The following WWOX variants were observed in gnomAD, a reference collection of about 807,000 sequenced individuals.
The protein encoded by WWOX is WW domain-containing oxidoreductase.
In WWOX, 69 loss-of-function variants were observed where a neutral mutation model predicts 46.2. That is an observed-to-expected ratio of 1.49 (90% CI 1.23 to 1.82). WWOX has a LOEUF of 1.82. Among genes scored for constraint, WWOX ranks in the 40% most tolerant of loss-of-function variants. The pLI, the probability that WWOX is intolerant of heterozygous loss-of-function variation, is 0.00. For missense variants in WWOX, 919 were observed against 542.6 expected (o/e 1.69, Z -6.89); for synonymous variants, 359 against 202.6 (o/e 1.77, Z -6.56).
chr16:78,761,038 C>A (rs186189326), intron 8 of WWOX, among the ~76,000 whole-genome samples: 1 of 152,160 alleles, frequency 6.6e-6, no homozygotes, highest in Non-Finnish European at 1.5e-5. Flanking sequence ...TCAGTTATCT[C>A]CTACCAGGCC....
At chr16:78,277,013 CT>C (rs1189048833) in intron 5 of WWOX, among the ~76,000 whole-genome samples, 1 of 152,130 alleles carries the variant, frequency 6.6e-6, no homozygotes, top group Non-Finnish European at 1.5e-5. Context: ...TAATGTGTCA[CT>C]GTGGGAAACT....
intron 8 of WWOX, among the ~76,000 whole-genome samples, chr16:78,570,085 A>G (rs1053551406): frequency 3.3e-5 from 5 of 152,252 alleles, no homozygotes; most frequent in African/African-American, 7.2e-5. Context: ...TTATGTTCAT[A>G]TAACTTCTTT....
At chr16:79,168,025 C>T (rs1382861346) in intron 8 of WWOX, among the ~76,000 whole-genome samples, 1 of 152,170 alleles carries the variant, frequency 6.6e-6, no homozygotes, top group African/African-American at 2.4e-5. Context: ...CATGCTGTTT[C>T]CAAGGCTTGT....
chr16:78,779,574 T>A (rs1240730275), intron 8 of WWOX, among the ~76,000 whole-genome samples: 1 of 152,162 alleles, frequency 6.6e-6, no homozygotes, highest in Non-Finnish European at 1.5e-5. Context: ...TGTTTAACCC[T>A]CACAAGTCTA....
At chr16:78,835,902 C>G (rs1272148625) in intron 8 of WWOX, among the ~76,000 whole-genome samples, 1 of 152,142 alleles carries the variant, frequency 6.6e-6, no homozygotes, top group African/African-American at 2.4e-5. Context: ...AAACAGAGCT[C>G]TGAGTTGTAT....
chr16:78,388,538 T>G (rs997121939), intron 6 of WWOX, among the ~76,000 whole-genome samples: 2 of 150,478 alleles, frequency 1.3e-5, no homozygotes, highest in Non-Finnish European at 1.5e-5. Flanking sequence ...TCCTAGCTAC[T>G]TGGGAGGCTG....
At chr16:79,007,081 G>T (rs2047205962) in intron 8 of WWOX, among the ~76,000 whole-genome samples, 1 of 152,074 alleles carries the variant, frequency 6.6e-6, no homozygotes, top group South Asian at 2.1e-4. Context: ...TTTGTCACAG[G>T]CCAGGCGCTA....
intron 8 of WWOX, among the ~76,000 whole-genome samples, chr16:78,996,703 A>C (rs1166234257): frequency 6.6e-6 from 1 of 152,166 alleles, no homozygotes; most frequent in Admixed American, 6.5e-5. Context: ...GGCCAGGTAC[A>C]GTGACAGAAA....
intron 8 of WWOX, among the ~76,000 whole-genome samples, chr16:78,772,712 G>A (rs1567549674): frequency 6.6e-6 from 1 of 152,194 alleles, no homozygotes; most frequent in Non-Finnish European, 1.5e-5. Flanking sequence ...GAGGGGAACA[G>A]AGGCTCAAAG....
intron 8 of WWOX, among the ~76,000 whole-genome samples, chr16:78,886,292 A>G (rs1274352998): frequency 6.6e-6 from 1 of 151,964 alleles, no homozygotes; most frequent in Non-Finnish European, 1.5e-5. Flanking sequence ...TTTAAAAAAA[A>G]AAAGCATTTA....
At chr16:78,845,551 A>C (rs189220546) in intron 8 of WWOX, among the ~76,000 whole-genome samples, 174 of 152,304 alleles carry the variant, frequency 1.1e-3, no homozygotes, top group African/African-American at 4.0e-3. Context: ...TTTCCCCCAA[A>C]AGCAAGGGTT....
intron 8 of WWOX, among the ~76,000 whole-genome samples, chr16:78,680,897 G>T (rs1055843711): frequency 6.6e-6 from 1 of 152,076 alleles, no homozygotes; most frequent in Non-Finnish European, 1.5e-5. Flanking sequence ...GAAAGTTTGA[G>T]CCTAGGAGTT....
chr16:79,056,264 C>A (rs1386171818), intron 8 of WWOX, among the ~76,000 whole-genome samples: 1 of 151,562 alleles, frequency 6.6e-6, no homozygotes, highest in Admixed American at 6.6e-5. Flanking sequence ...GGAGGTTACC[C>A]CAGAACACTT....
At chr16:78,391,076 A>G (rs906924866) in intron 6 of WWOX, among the ~76,000 whole-genome samples, 2 of 152,158 alleles carry the variant, frequency 1.3e-5, no homozygotes, top group East Asian at 1.9e-4. Flanking sequence ...GATTCTTAGT[A>G]CAAACACTGG....
intron 4 of WWOX, chr16:78,123,455 G>C (rs2042358): frequency 3.1e-5 from 2 of 65,532 alleles, no homozygotes; most frequent in African/African-American, 6.0e-5. Context: ...TTTTTTTTTT[G>C]TTTTTTTTTT....
intron 5 of WWOX, among the ~76,000 whole-genome samples, chr16:78,386,310 G>A (rs1192930824): frequency 6.6e-6 from 1 of 152,102 alleles, no homozygotes; most frequent in Non-Finnish European, 1.5e-5. Context: ...AGAGTTTTCT[G>A]GGTTTACTAA....
chr16:78,515,182 T>A (rs917455492), intron 8 of WWOX, among the ~76,000 whole-genome samples: 9 of 152,130 alleles, frequency 5.9e-5, no homozygotes, highest in Non-Finnish European at 1.3e-4. Context: ...CGAGATCGTG[T>A]CACTGCACTC....
chr16:78,402,247 G>C (rs950973302), intron 6 of WWOX, among the ~76,000 whole-genome samples: 2 of 152,106 alleles, frequency 1.3e-5, no homozygotes, highest in African/African-American at 4.8e-5. Flanking sequence ...ATGGCCTTTT[G>C]TGACTGGCTT....
At chr16:78,780,756 G>C (rs898918535) in intron 8 of WWOX, among the ~76,000 whole-genome samples, 1 of 152,316 alleles carries the variant, frequency 6.6e-6, no homozygotes, top group African/African-American at 2.4e-5. Context: ...TTGTTAGCTA[G>C]AACAAGAAAG....
Sources: gnomAD v4.1 joint callset for allele counts (sites outside exome capture counted in the v4.1 genomes callset) on GRCh38, gnomAD v4.1.1 for gene constraint, MANE v1.5 for transcripts, NCBI Gene and HGNC (gene_info 2026-07-23, HGNC 2026-07-21) for gene names.